The following LUZP2 variants were observed in gnomAD, a reference collection of about 807,000 sequenced individuals.
The protein encoded by LUZP2 is leucine zipper protein 2.
In LUZP2, 52 loss-of-function variants were observed where a neutral mutation model predicts 51.6. The observed-to-expected ratio is 1.01, with a 90% CI of 0.81 to 1.27. The LOEUF is 1.27. Ranked by LOEUF, LUZP2 falls within the 50% of genes most tolerant of loss-of-function variation. The probability of loss-of-function intolerance (pLI) is 0.00; values close to 1 mark genes in which losing one functional copy is unlikely to be tolerated. For missense variants in LUZP2, 436 were observed against 395.4 expected, an observed-to-expected ratio of 1.10 and a Z score of -0.87; for synonymous variants, 154 against 137.3, an observed-to-expected ratio of 1.12 and a Z score of -0.85.
At chr11:24,639,996 T>G (rs1464266140) in intron 1 of LUZP2, among the ~76,000 whole-genome samples, 1 of 151,914 alleles carries the variant, frequency 6.6e-6, no homozygotes, top group East Asian at 1.9e-4. Flanking sequence ...TTAGGTTAAA[T>G]GTCTTATTAA....
intron 7 of LUZP2, among the ~76,000 whole-genome samples, chr11:24,974,497 T>C (rs201361634): frequency 6.6e-6 from 1 of 151,710 alleles, no homozygotes; most frequent in Non-Finnish European, 1.5e-5. Context: ...AGCATTTTCT[T>C]ACACATTAAA....
intron 1 of LUZP2, among the ~76,000 whole-genome samples, chr11:24,556,737 C>T (rs1427375814): frequency 6.6e-6 from 1 of 152,158 alleles, no homozygotes; most frequent in Admixed American, 6.6e-5. Context: ...CCATGATGAT[C>T]TCTGTCCTAT....
chr11:24,653,240 A>G (rs1855689770), intron 1 of LUZP2, among the ~76,000 whole-genome samples: 1 of 152,128 alleles, frequency 6.6e-6, no homozygotes, highest in Non-Finnish European at 1.5e-5. Context: ...ATCTGTCATC[A>G]TGTTCTGGAT....
chr11:24,511,466 G>T (rs927055366), intron 1 of LUZP2, among the ~76,000 whole-genome samples: 3 of 152,070 alleles, frequency 2.0e-5, no homozygotes, highest in Non-Finnish European at 4.4e-5. Flanking sequence ...TCAGCTTACA[G>T]GGATGGTAAA....
At chr11:24,923,343 A>C (rs1251389103) in intron 7 of LUZP2, among the ~76,000 whole-genome samples, 1 of 152,124 alleles carries the variant, frequency 6.6e-6, no homozygotes, top group Non-Finnish European at 1.5e-5. Flanking sequence ...GGAAAAAGTC[A>C]AACTTGAAAA....
At chr11:24,613,655 A>C (rs1854195358) in intron 1 of LUZP2, among the ~76,000 whole-genome samples, 1 of 152,156 alleles carries the variant, frequency 6.6e-6, no homozygotes, top group East Asian at 1.9e-4. Flanking sequence ...CTTGAAAAAA[A>C]ATTCAAATAT....
At chr11:24,759,125 C>G (rs769536599) in intron 4 of LUZP2, among the ~76,000 whole-genome samples, 16 of 151,998 alleles carry the variant, frequency 1.1e-4, no homozygotes, top group Non-Finnish European at 2.2e-4. Flanking sequence ...CAGGTGTGAC[C>G]AGGATAATTA....
At chr11:24,778,237 C>A (rs1181886673) in intron 5 of LUZP2, among the ~76,000 whole-genome samples, 1 of 151,270 alleles carries the variant, frequency 6.6e-6, no homozygotes, top group Admixed American at 6.6e-5. Context: ...CTCGTCTCTG[C>A]AAAAAATAAA....
chr11:24,561,816 TATA>T (rs147360262), intron 1 of LUZP2, among the ~76,000 whole-genome samples: 3 of 120,796 alleles, frequency 2.5e-5, no homozygotes, highest in Non-Finnish European at 6.1e-5. Context: ...GAACTTAAAG[TATA>T]ATAATAATAA....
chr11:24,998,170 A>G (rs372975460), intron 9 of LUZP2, among the ~76,000 whole-genome samples: 3 of 152,038 alleles, frequency 2.0e-5, no homozygotes, highest in Non-Finnish European at 4.4e-5. Flanking sequence ...GTCATTGGTA[A>G]CTTGATGGGG....
intron 1 of LUZP2, among the ~76,000 whole-genome samples, chr11:24,650,794 C>G (rs1257586209): frequency 2.0e-5 from 3 of 152,008 alleles, no homozygotes; most frequent in Admixed American, 6.6e-5. Context: ...AAAGTGAGAG[C>G]TTGTTTCTTT....
At chr11:24,774,513 CTATATATATGTAGAATA>C (rs1469474426) in intron 5 of LUZP2, among the ~76,000 whole-genome samples, 2 of 87,266 alleles carry the variant, frequency 2.3e-5, no homozygotes, top group Non-Finnish European at 4.1e-5. Context: ...AGAATATATT[CTATATATATGTAGAATA>C]TATATAAAGA....
chr11:25,016,982 G>A (rs193260685), intron 9 of LUZP2, among the ~76,000 whole-genome samples: 191 of 152,054 alleles, frequency 1.3e-3, no homozygotes, highest in African/African-American at 4.5e-3. Context: ...GTGGTAAGGT[G>A]GTATCTCATT....
chr11:24,961,469 T>A (rs1463972513), intron 7 of LUZP2, among the ~76,000 whole-genome samples: 3 of 152,146 alleles, frequency 2.0e-5, no homozygotes, highest in Admixed American at 2.0e-4. Flanking sequence ...AGTTAGCTCT[T>A]CTTGTTGAAT....
At chr11:24,644,786 A>G (rs1035094011) in intron 1 of LUZP2, among the ~76,000 whole-genome samples, 1 of 152,192 alleles carries the variant, frequency 6.6e-6, no homozygotes, top group Non-Finnish European at 1.5e-5. Flanking sequence ...TATTTTTAAA[A>G]TTAGTTTGTC....
intron 5 of LUZP2, among the ~76,000 whole-genome samples, chr11:24,897,425 T>C (rs1408035752): frequency 1.3e-5 from 2 of 152,100 alleles, no homozygotes; most frequent in East Asian, 1.9e-4. Flanking sequence ...ATTGCGAAGG[T>C]CCACAGCTTA....
At chr11:24,866,023 G>A (rs940581605) in intron 5 of LUZP2, among the ~76,000 whole-genome samples, 2 of 151,082 alleles carry the variant, frequency 1.3e-5, no homozygotes, top group African/African-American at 2.4e-5. Flanking sequence ...TTGCCAGGTT[G>A]GTCTCGAACT....
rs561262723 is a variant in LUZP2 at position 24,913,857 on chromosome 11, A to G, written c.460-619A>G. On this transcript the variant is annotated intron_variant, in intron 6 of 11. Coordinates refer to ENST00000336930, the MANE Select transcript of LUZP2 (RefSeq NM_001009909.4). ...TGTCCTGAAAAATTCAAAATACATG[A>G]TCATAACTCTGTGACTTAAGGGACC... 5.9e-5 allele frequency among the ~76,000 whole-genome samples: 9 copies of G among 152,214 alleles called. No homozygotes were observed. The South Asian group carries it at 1.9e-3, about 32-fold the overall frequency.
intron 7 of LUZP2, among the ~76,000 whole-genome samples, chr11:24,931,296 T>C (rs1854445274): frequency 6.6e-6 from 1 of 151,742 alleles, no homozygotes; most frequent in Non-Finnish European, 1.5e-5. Context: ...TTTATCTTTG[T>C]TGGATTGGGT....
Sources: allele counts gnomAD v4.1 joint callset (sites outside exome capture counted in the v4.1 genomes callset), GRCh38; gene constraint gnomAD v4.1.1; transcripts MANE v1.5; gene names NCBI Gene and HGNC (gene_info 2026-07-23, HGNC 2026-07-21).